Variants in ZNF804B observed in about 807,000 individuals in gnomAD.
ZNF804B encodes zinc finger 804B.
In ZNF804B, 80 loss-of-function variants were observed where a neutral mutation model predicts 101.4. The observed-to-expected ratio is 0.79, with a 90% confidence interval of 0.66 to 0.95. The LOEUF (loss-of-function observed/expected upper bound fraction) is 0.95, where lower values mean the gene tolerates loss of function less well. Among genes scored for constraint, ZNF804B ranks in the 40% least tolerant of loss-of-function variants. The pLI, the probability that ZNF804B is intolerant of heterozygous loss-of-function variation, is 0.00. For synonymous variants in ZNF804B, 622 were observed against 558.8 expected, an observed-to-expected ratio of 1.11 and a Z score of -1.59; for missense variants, 1,673 against 1,561.9, an observed-to-expected ratio of 1.07 and a Z score of -1.20.
At chr7:89,140,643 G>A (rs2116392311) in intron 1 of ZNF804B, among the ~76,000 whole-genome samples, 1 of 152,186 alleles carries the variant, frequency 6.6e-6, no homozygotes, top group East Asian at 1.9e-4. Flanking sequence ...TTCTTCTGCA[G>A]ATTCCTTACC....
chr7:88,881,683 A>G (rs1182501898), intron 1 of ZNF804B, among the ~76,000 whole-genome samples: 1 of 152,190 alleles, frequency 6.6e-6, no homozygotes, highest in Non-Finnish European at 1.5e-5. Flanking sequence ...GACAAAAAAA[A>G]TAAATTAGTA....
At chr7:88,820,298 G>A (rs913279533) in intron 1 of ZNF804B, among the ~76,000 whole-genome samples, 3 of 152,126 alleles carry the variant, frequency 2.0e-5, no homozygotes, top group African/African-American at 7.2e-5. Context: ...TATGGTATGG[G>A]TATAATATTT....
rs754214191 is a variant in ZNF804B, at chr7:89,315,456, C to T, written c.250-11888C>T. 1.2e-4 allele frequency among the ~76,000 whole-genome samples: 18 copies of T among 151,986 alleles called. 1 individual carries two copies. The highest frequency in any genetic ancestry group is 9.8e-4 in the Admixed American group (15 of 15,256). The stretch of plus-strand genomic sequence containing the variant: ...ATACCTCTGCATTTGATTACAGATG[C>T]TAAGTAGTTTAGGAATCTGAAGTTA... On this transcript the variant is annotated intron_variant, in intron 2 of 3. Transcript: ENST00000333190.
At chr7:89,124,168 A>C (rs1296260331) in intron 1 of ZNF804B, among the ~76,000 whole-genome samples, 8 of 152,172 alleles carry the variant, frequency 5.3e-5, no homozygotes, top group African/African-American at 1.9e-4. Flanking sequence ...ATCAGTAAAC[A>C]AACTTGTACT....
chr7:88,890,152 A>G (rs1792194272), intron 1 of ZNF804B, among the ~76,000 whole-genome samples: 1 of 152,196 alleles, frequency 6.6e-6, no homozygotes, highest in Non-Finnish European at 1.5e-5. Context: ...TAATTTTTAT[A>G]GAACACATCA....
chr7:88,798,313 A>G (rs915519584), intron 1 of ZNF804B, among the ~76,000 whole-genome samples: 1 of 152,122 alleles, frequency 6.6e-6, no homozygotes, highest in South Asian at 2.1e-4. Flanking sequence ...ATGATATTTC[A>G]TCATGATAAA....
intron 1 of ZNF804B, among the ~76,000 whole-genome samples, chr7:88,789,114 T>A (rs527884474): frequency 2.5e-4 from 38 of 152,076 alleles, no homozygotes; most frequent in African/African-American, 9.1e-4. Flanking sequence ...ACTAAACAAA[T>A]AACCAAAATA....
At chr7:89,005,400 A>C (rs759857289) in intron 1 of ZNF804B, among the ~76,000 whole-genome samples, 1 of 151,986 alleles carries the variant, frequency 6.6e-6, no homozygotes, top group African/African-American at 2.4e-5. Flanking sequence ...GCAGAATCAC[A>C]AGGTCAAGGT....
chr7:89,194,302 A>G (rs946211054), intron 1 of ZNF804B, among the ~76,000 whole-genome samples: 2 of 151,942 alleles, frequency 1.3e-5, no homozygotes, highest in South Asian at 2.1e-4. Context: ...GCTGTGCAGA[A>G]GCTCTTTAGT....
intron 1 of ZNF804B, among the ~76,000 whole-genome samples, chr7:89,072,031 A>G (rs1413183374): frequency 6.6e-6 from 1 of 152,180 alleles, no homozygotes; most frequent in East Asian, 1.9e-4. Context: ...CTAGTCTGAT[A>G]GAGGCCATTC....
chr7:88,916,913 G>A (rs369502706), intron 1 of ZNF804B, among the ~76,000 whole-genome samples: 8 of 152,212 alleles, frequency 5.3e-5, no homozygotes, highest in East Asian at 3.9e-4. Context: ...AAGATGGTGT[G>A]TTGAAATATG....
intron 1 of ZNF804B, among the ~76,000 whole-genome samples, chr7:89,012,551 G>A (rs1335984862): frequency 1.3e-5 from 2 of 152,244 alleles, no homozygotes; most frequent in East Asian, 3.9e-4. Flanking sequence ...CAGTCTTTTT[G>A]CTAAAGCATA....
At chr7:89,218,317 C>T in intron 2 of ZNF804B, 22 bp downstream of exon 2, 1 of 1,612,594 alleles carries the variant, frequency 6.2e-7, no homozygotes, top group South Asian at 1.1e-5. Context: ...TGGGAAAAGT[C>T]CTTCATATTC....
rs748404657 is a variant in ZNF804B at position 89,336,199 on chromosome 7, T to A, written c.3217T>A (p.Phe1073Ile). 2 of 1,613,878 alleles carry A rather than the reference T, an allele frequency of 1.2e-6. No homozygotes were observed. The highest frequency in any genetic ancestry group is 4.5e-5 in the East Asian group (2 of 44,838). ...AAGCTGTGACCCAGTACCAAATGAA[T>A]TCCCTGGTGCTTTTCCGTCTAATAA... The part of the protein sequence containing the change: ...IQSCDPVPNE[F>I]PGAFPSNKYT... Residue 1073 changes from phenylalanine (F) to isoleucine (I), a missense_variant, in exon 4 of 4, where the codon TTC becomes ATC. Physicochemically the swap from Phe to Ile is conservative, Grantham distance 21 (BLOSUM62 0). Coordinates refer to ENST00000333190, the MANE Select transcript of ZNF804B (RefSeq NM_181646.5).
At chr7:89,262,302 C>G (rs1027861059) in intron 2 of ZNF804B, among the ~76,000 whole-genome samples, 2 of 152,110 alleles carry the variant, frequency 1.3e-5, no homozygotes, top group African/African-American at 4.8e-5. Context: ...ATCATTTATT[C>G]AATTTCAATT....
intron 2 of ZNF804B, among the ~76,000 whole-genome samples, chr7:89,302,092 A>AT (rs1458467332): frequency 7.0e-4 from 106 of 151,894 alleles, no homozygotes; most frequent in Middle Eastern, 3.4e-3. Flanking sequence ...ACATAAGCAC[A>AT]AACAATGTCT....
intron 1 of ZNF804B, among the ~76,000 whole-genome samples, chr7:89,055,524 G>T (rs1303782992): frequency 6.6e-6 from 1 of 151,950 alleles, no homozygotes; most frequent in Non-Finnish European, 1.5e-5. Context: ...AAATAAATGG[G>T]ATGGAAGGTT....
At chr7:88,760,974 C>A (rs1319462319) in intron 1 of ZNF804B, among the ~76,000 whole-genome samples, 1 of 147,396 alleles carries the variant, frequency 6.8e-6, no homozygotes, top group Non-Finnish European at 1.5e-5. Context: ...GACTAAGTAT[C>A]CAAACTTAAA....
At chr7:88,887,916 G>GTA (rs139246240) in intron 1 of ZNF804B, among the ~76,000 whole-genome samples, 69 of 151,948 alleles carry the variant, frequency 4.5e-4, no homozygotes, top group African/African-American at 1.5e-3. Context: ...ACACAGGAAT[G>GTA]TATATATATA....
Sources: allele counts gnomAD v4.1 joint callset (sites outside exome capture counted in the v4.1 genomes callset), GRCh38; gene constraint gnomAD v4.1.1; transcripts MANE v1.5; gene names NCBI Gene and HGNC (gene_info 2026-07-23, HGNC 2026-07-21).